PPP1R16B: variants seen among roughly 807,000 people sequenced by gnomAD.
PPP1R16B encodes protein phosphatase 1 regulatory subunit 16B, also known as protein phosphatase 1 regulatory inhibitor subunit 16B.
A neutral mutation model predicts 61.7 loss-of-function variants in PPP1R16B; 14 were observed. The ratio of observed to expected loss-of-function variants is 0.23; its 90% confidence interval spans 0.15 to 0.35. The LOEUF (loss-of-function observed/expected upper bound fraction) is 0.35. Among genes scored for constraint, PPP1R16B ranks in the 10% least tolerant of loss-of-function variants. PPP1R16B has a pLI of 1.00. For missense variants in PPP1R16B, 547 were observed against 752.5 expected, an observed-to-expected ratio of 0.73 and a Z score of 3.19; for synonymous variants, 266 against 305.3, an observed-to-expected ratio of 0.87 and a Z score of 1.34.
intron 1 of PPP1R16B, among the ~76,000 whole-genome samples, chr20:38,813,019 C>T (rs547255584): frequency 4.6e-5 from 7 of 152,236 alleles, no homozygotes; most frequent in African/African-American, 1.4e-4. Context: ...CTTTGAGAAG[C>T]AAGGGTATGG....
At chr20:38,917,507 T>C (rs899917994) in intron 10 of PPP1R16B, among the ~76,000 whole-genome samples, 8 of 152,206 alleles carry the variant, frequency 5.3e-5, no homozygotes, top group African/African-American at 1.4e-4. Context: ...CTTTTCAAAC[T>C]CTTGTTATCC....
chr20:38,807,001 G>GC (rs1300728759), intron 1 of PPP1R16B, among the ~76,000 whole-genome samples: 1 of 152,196 alleles, frequency 6.6e-6, no homozygotes, highest in Non-Finnish European at 1.5e-5. Flanking sequence ...TGTCAGAAGA[G>GC]CCCCCCAGCT....
chr20:38,899,263 G>A (rs1221785934), intron 4 of PPP1R16B, among the ~76,000 whole-genome samples: 1 of 152,216 alleles, frequency 6.6e-6, no homozygotes, highest in African/African-American at 2.4e-5. Flanking sequence ...CTATGTCTCT[G>A]ATGGGAACCT....
intron 10 of PPP1R16B, among the ~76,000 whole-genome samples, chr20:38,913,729 G>A (rs114926912): frequency 7.9e-5 from 12 of 152,314 alleles, no homozygotes; most frequent in African/African-American, 2.9e-4. Context: ...GGGGTGGGAT[G>A]AGCAGGTGGT....
chr20:38,836,199 G>T (rs573382444), intron 2 of PPP1R16B, 24 bp downstream of exon 2: 3 of 1,595,310 alleles, frequency 1.9e-6, no homozygotes, highest in East Asian at 4.5e-5. Context: ...TGCCTTGGCG[G>T]CCACGCAGCT....
intron 2 of PPP1R16B, among the ~76,000 whole-genome samples, chr20:38,864,990 T>G (rs1417696720): frequency 6.6e-6 from 1 of 152,202 alleles, no homozygotes; most frequent in Non-Finnish European, 1.5e-5. Flanking sequence ...CCTGGAATCA[T>G]GCCGGTGGCC....
rs912472289 is a variant in PPP1R16B at position 38,918,867 on chromosome 20, G to A, written c.*201G>A. 2.3e-5 allele frequency: 13 copies of A among 564,886 alleles called. No individual in the cohort carries two copies. The highest frequency in any genetic ancestry group is 7.6e-5 in the African/African-American group (4 of 52,334). 35.0% of individuals were successfully genotyped at this position (564,886 alleles called of 1,614,324 possible). A position where few individuals can be genotyped will look rare whatever the true frequency, so the allele number is the denominator to read the frequency against. ...CCGTGGTTCTGCTTCCTGCTGCATCGTCTGCCATCTGACACAAGGCCTGTC... is the reference window on the plus strand; with the variant it reads ...CCGTGGTTCTGCTTCCTGCTGCATCATCTGCCATCTGACACAAGGCCTGTC... On this transcript the variant is annotated 3_prime_UTR_variant, in exon 11 of 11. Coordinates refer to ENST00000299824, the MANE Select transcript of PPP1R16B (RefSeq NM_015568.4). The surrounding 1 kb of genome is among the most constrained non-coding windows in gnomAD (Gnocchi z 5.3).
In PPP1R16B at chr20:38,829,910, G is replaced by A. The variant is rs2084826647; in HGVS notation, c.-101-5915G>A. ...AGCCCCAGCTCCAAGGAACCCAGAG[G>A]GGCAAGGTGGGAGGGGCTCGCGGGG... On this transcript the variant is annotated intron_variant, in intron 1 of 10. Coordinates refer to ENST00000299824, the MANE Select transcript of PPP1R16B (RefSeq NM_015568.4). 2.0e-5 allele frequency among the ~76,000 whole-genome samples: 3 copies of A among 152,232 alleles called. No homozygotes were observed. In the South Asian group the frequency reaches 6.2e-4, roughly 32 times the overall value.
chr20:38,903,277 C>A (rs1302346393), intron 6 of PPP1R16B, among the ~76,000 whole-genome samples: 2 of 152,166 alleles, frequency 1.3e-5, no homozygotes, highest in Non-Finnish European at 2.9e-5. Flanking sequence ...ATGTGTCCAT[C>A]TTGAGCTCCT....
intron 4 of PPP1R16B, among the ~76,000 whole-genome samples, chr20:38,897,550 T>C (rs924838005): frequency 4.6e-5 from 7 of 152,270 alleles, no homozygotes; most frequent in African/African-American, 1.7e-4. Flanking sequence ...TTGTGAATCA[T>C]GCTGTGACGA....
At chr20:38,874,077 A>T (rs951026862) in intron 2 of PPP1R16B, among the ~76,000 whole-genome samples, 1 of 152,132 alleles carries the variant, frequency 6.6e-6, no homozygotes, top group South Asian at 2.1e-4. Context: ...ACTCCATCCT[A>T]TTGGTGACAC....
intron 4 of PPP1R16B, among the ~76,000 whole-genome samples, chr20:38,897,980 A>T (rs199895823): frequency 6.6e-6 from 1 of 152,190 alleles, no homozygotes; most frequent in East Asian, 1.9e-4. Flanking sequence ...GGATTTCTCT[A>T]TGTATTCTGG....
At chr20:38,816,715 C>A (rs971499718) in intron 1 of PPP1R16B, among the ~76,000 whole-genome samples, 7 of 152,194 alleles carry the variant, frequency 4.6e-5, no homozygotes, top group Non-Finnish European at 7.3e-5. Context: ...GTGGAATGAA[C>A]CTAACCATTG....
Position 38,907,022 on chromosome 20 carries a change from G to A in PPP1R16B, c.866G>A (p.Ser289Asn). 1 of 1,614,068 alleles carries A rather than the reference G, an allele frequency of 6.2e-7. No individual in the cohort carries two copies. The highest frequency in any genetic ancestry group is 8.5e-7 in the Non-Finnish European group (1 of 1,179,904). The stretch of plus-strand genomic sequence containing the variant: ...TTGGTGTCCCATGGAGCTAGTCTCA[G>A]TGCAAGGACATCCATGGATGAGATG... Reference protein sequence around the residue: ...ELLVSHGASLSARTSMDEMPI... With the variant: ...ELLVSHGASLNARTSMDEMPI... The change falls in exon 8 of 11, where the codon AGT becomes AAT. Residue 289 changes from serine to asparagine, a missense_variant. By Grantham distance (46) the Ser-to-Asn change is conservative. Transcript: ENST00000299824. This position sits in a 1 kb window ranked among gnomAD's most constrained non-coding sequence, Gnocchi z 4.5.
At chr20:38,886,670 G>A (rs2085247543) in intron 2 of PPP1R16B, among the ~76,000 whole-genome samples, 1 of 152,254 alleles carries the variant, frequency 6.6e-6, no homozygotes, top group Admixed American at 6.5e-5. Context: ...TGGGTCTGTA[G>A]GAGATGCCTG....
At position 38,806,548 on chromosome 20, in the gene PPP1R16B, G is replaced by A. The variant is rs979608744; in HGVS notation, c.-102+756G>A. 6.6e-6 allele frequency among the ~76,000 whole-genome samples: 1 copy of A among 152,152 alleles called. No individual in the cohort carries two copies. Among genetic ancestry groups the A allele is most frequent in the Non-Finnish European group, 1.5e-5 (1 of 68,004 alleles). On this transcript the variant is annotated intron_variant, in intron 1 of 10. Transcript: ENST00000299824. This position sits in a 1 kb window ranked among gnomAD's most constrained non-coding sequence, Gnocchi z 4.5. ...CCAGAGGAGCGCCCCCGGGCGCCGA[G>A]GATGGGCGGAGACGTGCAGCCGCCC...
rs761663178 is a variant in PPP1R16B at position 38,903,563 on chromosome 20, ATCCGTCCG to A, written c.696+783_696+790del. 2.3e-3 allele frequency among the ~76,000 whole-genome samples: 335 copies of A among 147,126 alleles called. 2 individuals are homozygous for A. Among genetic ancestry groups the A allele is most frequent in the East Asian group, 7.7e-3 (38 of 4,928 alleles). On this transcript the variant is annotated intron_variant, in intron 6 of 10. Coordinates refer to ENST00000299824, the MANE Select transcript of PPP1R16B (RefSeq NM_015568.4). ...CATCCATCCATCCATCCATCCATCC[ATCCGTCCG>A]TCCGTCCGTCCATCCATCCATCCAT...
chr20:38,854,409 T>C (rs1268936554), intron 2 of PPP1R16B, among the ~76,000 whole-genome samples: 1 of 152,236 alleles, frequency 6.6e-6, no homozygotes, highest in Non-Finnish European at 1.5e-5. Flanking sequence ...AAAGTCTGGA[T>C]TGATGTTGTA....
At chr20:38,865,802 G>T (rs1269784550) in intron 2 of PPP1R16B, among the ~76,000 whole-genome samples, 1 of 152,122 alleles carries the variant, frequency 6.6e-6, no homozygotes, top group Non-Finnish European at 1.5e-5. Context: ...CCTCTGTTTT[G>T]AGGGCACCAC....
Sources: gnomAD v4.1 joint callset for allele counts (sites outside exome capture counted in the v4.1 genomes callset) on GRCh38, gnomAD v4.1.1 for gene constraint, Gnocchi (gnomAD v3.1) non-coding constraint, MANE v1.5 for transcripts, NCBI Gene and HGNC (gene_info 2026-07-23, HGNC 2026-07-21) for gene names.